The following RIN2 variants were observed in gnomAD, a reference collection of about 807,000 sequenced individuals.
The protein encoded by RIN2 is Ras and Rab interactor 2.
Under a neutral mutation model 78.0 loss-of-function variants are expected in RIN2, and 36 were observed. The ratio of observed to expected loss-of-function variants is 0.46; its 90% CI spans 0.35 to 0.61. The LOEUF (loss-of-function observed/expected upper bound fraction) is 0.61, where lower values mean the gene tolerates loss of function less well. RIN2 is among the 20% of genes least tolerant of loss of function. The pLI, the probability that RIN2 is intolerant of heterozygous loss-of-function variation, is 0.00. For synonymous variants in RIN2, 466 were observed against 466.8 expected (o/e 1.00, Z 0.02); for missense variants, 1,087 against 1,159.7 (o/e 0.94, Z 0.91).
chr20:19,768,480 C>T (rs2033983397), intron 1 of RIN2, among the ~76,000 whole-genome samples: 1 of 152,196 alleles, frequency 6.6e-6, no homozygotes, highest in South Asian at 2.1e-4. Context: ...GCGGGCAAAG[C>T]GAGTCCCATA....
intron 2 of RIN2, among the ~76,000 whole-genome samples, chr20:19,846,141 T>C (rs1373758052): frequency 6.6e-6 from 1 of 152,224 alleles, no homozygotes; most frequent in African/African-American, 2.4e-5. Flanking sequence ...CCTTGTAGTA[T>C]AGTTTGAAGT....
chr20:19,931,889 C>T (rs1368052500), intron 3 of RIN2, among the ~76,000 whole-genome samples: 2 of 152,148 alleles, frequency 1.3e-5, no homozygotes, highest in Non-Finnish European at 2.9e-5. Context: ...AATGGTGCAA[C>T]AAATATTCTT....
At chr20:19,921,579 G>T (rs1346657053) in intron 3 of RIN2, among the ~76,000 whole-genome samples, 1 of 152,204 alleles carries the variant, frequency 6.6e-6, no homozygotes, top group East Asian at 1.9e-4. Flanking sequence ...CTGCTCCGTG[G>T]AATTCGCATC....
At chr20:19,840,120 T>G (rs2036538615) in intron 2 of RIN2, among the ~76,000 whole-genome samples, 1 of 152,236 alleles carries the variant, frequency 6.6e-6, no homozygotes, top group Non-Finnish European at 1.5e-5. Context: ...AGTTATTATT[T>G]CTATAATCAA....
At chr20:19,945,523 T>G (rs754999076) in intron 4 of RIN2, among the ~76,000 whole-genome samples, 2 of 152,208 alleles carry the variant, frequency 1.3e-5, no homozygotes, top group Non-Finnish European at 2.9e-5. Context: ...GCCACTTTTG[T>G]TGGAATCCTA....
At chr20:19,855,696 C>G (rs2037140643) in intron 2 of RIN2, among the ~76,000 whole-genome samples, 1 of 152,088 alleles carries the variant, frequency 6.6e-6, no homozygotes. Flanking sequence ...TTTCACTGAC[C>G]TCTTCTGTAA....
At position 19,889,694 on chromosome 20, in the gene RIN2, G is replaced by A. The variant is rs41279004; in HGVS notation, c.57+36G>A. The A allele has an allele frequency of 0.023, 33,464 of 1,425,436 alleles. 489 individuals are homozygous for A. Among genetic ancestry groups the A allele is most frequent in the Non-Finnish European group, 0.028 (30,227 of 1,069,848 alleles). 88.3% of individuals were successfully genotyped at this position (1,425,436 alleles called of 1,614,324 possible). On this transcript the variant is annotated intron_variant, in intron 3 of 12. Transcript: ENST00000255006. ...GCCTTGATTGGGATCTCAACTCGTCGGCTTGCTGCCTGAGCCTGGGAGCTG... is the reference window on the plus strand; with the variant it reads ...GCCTTGATTGGGATCTCAACTCGTCAGCTTGCTGCCTGAGCCTGGGAGCTG...
At chr20:19,854,991 C>G (rs1232017923) in intron 2 of RIN2, among the ~76,000 whole-genome samples, 1 of 152,096 alleles carries the variant, frequency 6.6e-6, no homozygotes. Flanking sequence ...AGTTTTTGCC[C>G]ATTCAGTATG....
rs974085590 is a variant in RIN2, at chr20:19,823,388, C to CTTCT, written c.-37+23643_-37+23644insCTTT. 1.2e-3 allele frequency: 454 copies of CTTCT among 375,398 alleles called. 1 individual carries two copies. Among genetic ancestry groups the CTTCT allele is most frequent in the African/African-American group, 0.011 (197 of 18,536 alleles). The allele number at this position is 375,398 out of a possible 1,614,324, so 23.3% of individuals were successfully genotyped here. A position where few individuals can be genotyped will look rare whatever the true frequency, so the allele number is the denominator to read the frequency against. On this transcript the variant is annotated intron_variant, in intron 2 of 12. Transcript: ENST00000255006. ...ATGGTGGTAACATCTGCTCTGCCTGCTTTTTTTTTTTTCTTTTTTTGTCAA... is the reference window on the plus strand; with the variant it reads ...ATGGTGGTAACATCTGCTCTGCCTGCTTCTTTTTTTTTTTTTCTTTTTTTGTCAA...
chr20:19,964,279 A>AG (rs2041865206), intron 6 of RIN2, among the ~76,000 whole-genome samples: 1 of 149,948 alleles, frequency 6.7e-6, no homozygotes, highest in Non-Finnish European at 1.5e-5. Context: ...TGAGAGAGAG[A>AG]GAAAAAAAAA....
At chr20:19,972,768 A>C (rs182779251) in intron 8 of RIN2, among the ~76,000 whole-genome samples, 13 of 152,236 alleles carry the variant, frequency 8.5e-5, no homozygotes, top group Non-Finnish European at 1.8e-4. Context: ...CTGTGACAGT[A>C]TAAGTCTAAG....
chr20:19,979,805 G>C (rs2042387647), intron 9 of RIN2, among the ~76,000 whole-genome samples: 1 of 151,960 alleles, frequency 6.6e-6, no homozygotes, highest in African/African-American at 2.4e-5. Flanking sequence ...CACTTAAGGA[G>C]GCCGAGGTGG....
At chr20:19,867,471 G>A (rs1165282106) in intron 2 of RIN2, among the ~76,000 whole-genome samples, 1 of 152,070 alleles carries the variant, frequency 6.6e-6, no homozygotes, top group Non-Finnish European at 1.5e-5. Context: ...TTATTGAATT[G>A]AGTTGTCACT....
intron 3 of RIN2, among the ~76,000 whole-genome samples, chr20:19,901,555 A>C (rs965817355): frequency 4.6e-5 from 7 of 152,006 alleles, no homozygotes; most frequent in African/African-American, 1.5e-4. Flanking sequence ...GAACACTCAA[A>C]CTCCGTTGTT....
chr20:19,782,088 G>A (rs980251028), intron 1 of RIN2, among the ~76,000 whole-genome samples: 1 of 151,992 alleles, frequency 6.6e-6, no homozygotes, highest in Non-Finnish European at 1.5e-5. Flanking sequence ...ACATGACCAG[G>A]GTCCACAGGC....
chr20:19,959,399 A>G (rs976595556), intron 5 of RIN2, among the ~76,000 whole-genome samples: 4 of 152,164 alleles, frequency 2.6e-5, no homozygotes, highest in Non-Finnish European at 4.4e-5. Flanking sequence ...ACCCCCCTGG[A>G]TGCTATTTAG....
intron 2 of RIN2, among the ~76,000 whole-genome samples, chr20:19,801,992 A>G (rs1157639875): frequency 6.6e-6 from 1 of 152,228 alleles, no homozygotes; most frequent in Non-Finnish European, 1.5e-5. Flanking sequence ...AAAATAAACA[A>G]TAATAGGAAC....
At chr20:19,914,256 G>GA (rs1163229205) in intron 3 of RIN2, among the ~76,000 whole-genome samples, 1 of 152,262 alleles carries the variant, frequency 6.6e-6, no homozygotes, top group African/African-American at 2.4e-5. Context: ...CCTTTTGGGG[G>GA]ATAGAAATAA....
intron 4 of RIN2, among the ~76,000 whole-genome samples, chr20:19,939,130 T>C (rs2040763882): frequency 6.6e-6 from 1 of 152,230 alleles, no homozygotes; most frequent in Non-Finnish European, 1.5e-5. Flanking sequence ...TCCTGCAACC[T>C]CTGCCTCCCA....
Sources: allele counts gnomAD v4.1 joint callset (sites outside exome capture counted in the v4.1 genomes callset), GRCh38; gene constraint gnomAD v4.1.1; transcripts MANE v1.5; gene names NCBI Gene and HGNC (gene_info 2026-07-23, HGNC 2026-07-21).